Variants in ATP2C1 observed in about 807,000 individuals in gnomAD.
ATP2C1 encodes the protein calcium-transporting ATPase type 2C member 1.
ATP2C1 carries 31 observed loss-of-function variants against 120.5 expected under a neutral mutation model. That is an observed-to-expected ratio of 0.26 (90% confidence interval 0.19 to 0.35). The LOEUF (loss-of-function observed/expected upper bound fraction) is 0.35, where lower values mean the gene tolerates loss of function less well. ATP2C1 is among the 10% of genes least tolerant of loss of function. The pLI, the probability that ATP2C1 is intolerant of heterozygous loss-of-function variation, is 1.00. For missense variants in ATP2C1, 731 were observed against 1,107.5 expected (o/e 0.66, Z 4.83); for synonymous variants, 351 against 358.7 (o/e 0.98, Z 0.24).
At chr3:130,938,287 C>G (rs1473423939) in intron 6 of ATP2C1, among the ~76,000 whole-genome samples, 1 of 152,152 alleles carries the variant, frequency 6.6e-6, no homozygotes, top group African/African-American at 2.4e-5. Flanking sequence ...CAGTGTTTCA[C>G]AATATCAGCA....
chr3:130,977,031 C>G (rs2061554531), intron 18 of ATP2C1, among the ~76,000 whole-genome samples: 1 of 152,186 alleles, frequency 6.6e-6, no homozygotes. Flanking sequence ...CTTTCCACCT[C>G]AGCTAGGGAA....
intron 20 of ATP2C1, among the ~76,000 whole-genome samples, chr3:130,988,174 T>C (rs1322577929): frequency 6.6e-6 from 1 of 152,234 alleles, no homozygotes; most frequent in African/African-American, 2.4e-5. Context: ...CTTTAATCTG[T>C]CCTAGAAGAT....
At chr3:130,888,525 C>G (rs1311990272) in intron 1 of ATP2C1, among the ~76,000 whole-genome samples, 3 of 152,200 alleles carry the variant, frequency 2.0e-5, no homozygotes, top group Non-Finnish European at 4.4e-5. Context: ...TGGTCCATTC[C>G]CCTCTGGCTA....
chr3:130,971,147 G>C (rs116022517), intron 17 of ATP2C1, among the ~76,000 whole-genome samples: 1,878 of 152,182 alleles, frequency 0.012, 15 homozygotes, highest in South Asian at 0.035. Flanking sequence ...TTTTTTGATA[G>C]GTCTATTTCA....
At chr3:130,969,247 T>C (rs1345032529) in intron 16 of ATP2C1, 45 bp from the exon 17 acceptor site, 2 of 1,395,678 alleles carry the variant, frequency 1.4e-6, no homozygotes. Flanking sequence ...AAGGAAAAAA[T>C]AATCACATAT....
intron 8 of ATP2C1, among the ~76,000 whole-genome samples, chr3:130,946,223 A>T (rs775165754): frequency 6.6e-6 from 1 of 152,236 alleles, no homozygotes; most frequent in Non-Finnish European, 1.5e-5. Context: ...GGTTAGTTCT[A>T]TTAGGAGTTA....
At position 130,969,410 on chromosome 3, in the gene ATP2C1, T is replaced by G. The variant is rs762644531; in HGVS notation, c.1413+14T>G. 4 of 1,590,066 alleles carry G rather than the reference T, an allele frequency of 2.5e-6. No individual in the cohort carries two copies. The highest frequency in any genetic ancestry group is 8.6e-7 in the Non-Finnish European group (1 of 1,158,398). ...CGAACACAGCAGGTATCCATCTGTT[T>G]AAAGAATACTTATTTCCTGTTTAGC... On this transcript the variant is annotated intron_variant, in intron 17 of 27. Coordinates refer to ENST00000510168, the MANE Select transcript of ATP2C1 (RefSeq NM_001378687.1).
intron 1 of ATP2C1, among the ~76,000 whole-genome samples, chr3:130,858,667 G>C (rs2067920414): frequency 6.6e-6 from 1 of 152,274 alleles, no homozygotes; most frequent in Admixed American, 6.5e-5. Flanking sequence ...AATGTGGGGA[G>C]TAGGGGTGCA....
intron 2 of ATP2C1, among the ~76,000 whole-genome samples, chr3:130,911,343 T>G (rs1335194619): frequency 3.3e-5 from 5 of 151,032 alleles, no homozygotes; most frequent in Non-Finnish European, 7.4e-5. Context: ...CTCTCTTTTT[T>G]TCTTTATTAG....
At chr3:130,976,304 TTAAAA>T (rs1186937513) in intron 18 of ATP2C1, among the ~76,000 whole-genome samples, 5 of 152,218 alleles carry the variant, frequency 3.3e-5, no homozygotes, top group Non-Finnish European at 7.3e-5. Context: ...GCTTCTGTTC[TTAAAA>T]TAAACTAAGT....
intron 1 of ATP2C1, among the ~76,000 whole-genome samples, chr3:130,872,275 C>T (rs1351439315): frequency 6.6e-6 from 1 of 151,982 alleles, no homozygotes; most frequent in Non-Finnish European, 1.5e-5. Context: ...TTCCCTAGCC[C>T]TTACTCTGCT....
intron 1 of ATP2C1, among the ~76,000 whole-genome samples, chr3:130,867,622 C>T (rs1284187772): frequency 2.0e-5 from 3 of 151,656 alleles, no homozygotes; most frequent in Middle Eastern, 3.4e-3. Flanking sequence ...AGTGCAGTGG[C>T]GTGATCTTGG....
intron 26 of ATP2C1, chr3:131,015,928 A>G (rs2063604963): frequency 1.4e-6 from 1 of 702,430 alleles, no homozygotes; most frequent in Non-Finnish European, 2.5e-6. Context: ...GGATTGAATC[A>G]TGGAAACATT....
intron 2 of ATP2C1, among the ~76,000 whole-genome samples, chr3:130,917,508 T>G (rs1160576807): frequency 6.6e-6 from 1 of 152,244 alleles, no homozygotes; most frequent in Non-Finnish European, 1.5e-5. Flanking sequence ...GCCAGAGTAT[T>G]ATTTCTGAAT....
chr3:130,918,634 T>C (rs1411853358), intron 2 of ATP2C1: 6 of 636,510 alleles, frequency 9.4e-6, no homozygotes, highest in East Asian at 6.8e-5. Context: ...TTGCAGTAAA[T>C]CTCTTAATCA....
At chr3:130,999,072 A>G (rs1175892386) in intron 26 of ATP2C1, among the ~76,000 whole-genome samples, 3 of 152,164 alleles carry the variant, frequency 2.0e-5, no homozygotes, top group Non-Finnish European at 4.4e-5. Flanking sequence ...TAATTGACCA[A>G]TTTTTGAAGA....
intron 7 of ATP2C1, among the ~76,000 whole-genome samples, chr3:130,941,252 G>GTGTGTCTGTGTGTGTGTGTGTGTGTC (rs1553764223): frequency 1.4e-5 from 2 of 144,274 alleles, no homozygotes; most frequent in African/African-American, 5.6e-5. Context: ...GTGTGTGTGT[G>GTGTGTCTGTGTGTGTGTGTGTGTGTC]TGTGTGTGTG....
chr3:131,005,629 T>C (rs1487637996), downstream of ATP2C1, among the ~76,000 whole-genome samples: 1 of 152,224 alleles, frequency 6.6e-6, no homozygotes, highest in Non-Finnish European at 1.5e-5. Flanking sequence ...ATCAAAGCTA[T>C]AGCTGACTAA....
chr3:130,948,916 C>T (rs1191687872), intron 8 of ATP2C1, among the ~76,000 whole-genome samples: 5 of 152,092 alleles, frequency 3.3e-5, no homozygotes, highest in Admixed American at 6.6e-5. Context: ...GCATCATTAA[C>T]GATGTTCATG....
Sources: gnomAD v4.1 joint callset for allele counts (sites outside exome capture counted in the v4.1 genomes callset) on GRCh38, gnomAD v4.1.1 for gene constraint, MANE v1.5 for transcripts, NCBI Gene and HGNC (gene_info 2026-07-23, HGNC 2026-07-21) for gene names.